Variants in NCAM1 observed in about 807,000 individuals in gnomAD.
The protein encoded by NCAM1 is antigen recognized by monoclonal antibody 5.1H11.
Under a neutral mutation model 109.8 loss-of-function variants are expected in NCAM1, and 14 were observed. That is an observed-to-expected ratio of 0.13 (90% CI 0.08 to 0.20). The LOEUF is 0.20. Ranked by LOEUF, NCAM1 falls within the 10% of genes least tolerant of loss-of-function variation. The pLI is 1.00. For synonymous variants in NCAM1, 418 were observed against 442.9 expected (o/e 0.94, Z 0.70); for missense variants, 774 against 1,109.9 (o/e 0.70, Z 4.30).
intron 19 of NCAM1, among the ~76,000 whole-genome samples, 169 bp from the exon 20 acceptor site, chr11:113,275,098 G>A (rs1946374321): frequency 6.6e-6 from 1 of 152,184 alleles, no homozygotes; most frequent in Non-Finnish European, 1.5e-5. Context: ...ACACAGCTCG[G>A]GCTTGGGTGA....
intron 4 of NCAM1, 65 bp downstream of exon 4, chr11:113,205,731 C>G: frequency 1.3e-6 from 2 of 1,568,990 alleles, no homozygotes; most frequent in Non-Finnish European, 1.7e-6. Context: ...GCTTTTTCAC[C>G]TGTACTGAGG....
rs889805272 is a variant in NCAM1, at chr11:113,274,132, C to T, written c.2457-1135C>T. On this transcript the variant is annotated intron_variant, in intron 19 of 19. Transcript: ENST00000316851. This position sits in a 1 kb window ranked among gnomAD's most constrained non-coding sequence, Gnocchi z 4.1. Reference sequence around the variant, plus strand: ...GTGTTATTCAGTGCCAGGCTGAGTCCCTACCAGAAAGGCACTGATGTGCAG... The same window carrying T: ...GTGTTATTCAGTGCCAGGCTGAGTCTCTACCAGAAAGGCACTGATGTGCAG... Among the ~76,000 whole-genome samples the T allele has an allele frequency of 1.3e-5, 2 of 152,126 alleles. No homozygotes were observed. Among genetic ancestry groups the T allele is most frequent in the Non-Finnish European group, 2.9e-5 (2 of 68,010 alleles).
At chr11:113,040,148 A>T (rs2135416403) in intron 1 of NCAM1, among the ~76,000 whole-genome samples, 1 of 143,422 alleles carries the variant, frequency 7.0e-6, no homozygotes, top group South Asian at 2.4e-4. Flanking sequence ...CTCTAAAAAA[A>T]TAATAATTTT....
chr11:113,057,349 A>G (rs1555082765), intron 1 of NCAM1, among the ~76,000 whole-genome samples: 2 of 151,964 alleles, frequency 1.3e-5, no homozygotes, highest in African/African-American at 4.8e-5. Context: ...GGGATGACAT[A>G]CTGTACATAA....
chr11:113,054,138 AT>A (rs1327260478), intron 1 of NCAM1, among the ~76,000 whole-genome samples: 4 of 152,190 alleles, frequency 2.6e-5, no homozygotes, highest in Non-Finnish European at 4.4e-5. Flanking sequence ...AAATATGCTC[AT>A]AGATGTTGGA....
At chr11:113,134,886 C>T (rs980212421) in intron 1 of NCAM1, among the ~76,000 whole-genome samples, 1 of 152,054 alleles carries the variant, frequency 6.6e-6, no homozygotes, top group African/African-American at 2.4e-5. Context: ...GTAATCCATA[C>T]CAAGAAGAAG....
At chr11:113,271,116 T>A (rs1404884205) in intron 18 of NCAM1, among the ~76,000 whole-genome samples, 1 of 152,076 alleles carries the variant, frequency 6.6e-6, no homozygotes, top group Non-Finnish European at 1.5e-5. Flanking sequence ...ACGCCTGTAA[T>A]CCCAGCACTT....
chr11:113,240,180 G>A lies in NCAM1; in HGVS notation c.1825+5016G>A, dbSNP rs570741526. On this transcript the variant is annotated intron_variant, in intron 14 of 19. Transcript: ENST00000316851. ...CTCCAAATAACCACATTCTGTAGGG[G>A]AGTTTTGGAAGGCAGCAGTGGTTGC... 2.0e-5 allele frequency among the ~76,000 whole-genome samples: 3 copies of A among 152,324 alleles called. No homozygotes were observed. The South Asian group carries it at 6.2e-4, about 32-fold the overall frequency.
chr11:113,270,057 G>A, intron 17 of NCAM1, 131 bp from the exon 18 acceptor site: 1 of 822,342 alleles, frequency 1.2e-6, no homozygotes, highest in South Asian at 1.5e-5. Flanking sequence ...CCCCAGGAAG[G>A]TGTCACTCTG....
At position 113,277,497 on chromosome 11, in the gene NCAM1, G is replaced by C; in HGVS notation, c.*2110G>C. 2.5e-6 allele frequency: 1 copy of C among 398,760 alleles called. No homozygotes were observed. The highest frequency in any genetic ancestry group is 4.4e-6 in the Non-Finnish European group (1 of 226,042). The allele number at this position is 398,760 out of a possible 1,614,324, so 24.7% of individuals were successfully genotyped here. On this transcript the variant is annotated 3_prime_UTR_variant, in exon 20 of 20. Coordinates refer to ENST00000316851, the MANE Select transcript of NCAM1 (RefSeq NM_181351.5). ...TTAGAGCACACAGTAGAATGTGAGA[G>C]CCTGGGTGTCTGAGACCGGGAGGGC...
chr11:113,025,556 G>T (rs1555077046), intron 1 of NCAM1, among the ~76,000 whole-genome samples: 1 of 152,030 alleles, frequency 6.6e-6, no homozygotes, highest in Non-Finnish European at 1.5e-5. Flanking sequence ...GAATTCCTAT[G>T]AAGAAAATAA....
intron 8 of NCAM1, among the ~76,000 whole-genome samples, chr11:113,217,096 G>T (rs1555114486): frequency 1.3e-5 from 2 of 152,204 alleles, no homozygotes; most frequent in African/African-American, 4.8e-5. Flanking sequence ...GTCAGGTAAA[G>T]AATCCTCCTG....
chr11:113,184,646 A>G (rs1943439243), intron 1 of NCAM1, among the ~76,000 whole-genome samples: 1 of 152,124 alleles, frequency 6.6e-6, no homozygotes, highest in African/African-American at 2.4e-5. Context: ...TTCTCACACT[A>G]TATCCTCCTA....
chr11:113,093,062 C>A (rs1939424834), intron 1 of NCAM1, among the ~76,000 whole-genome samples: 1 of 152,166 alleles, frequency 6.6e-6, no homozygotes, highest in Non-Finnish European at 1.5e-5. Flanking sequence ...CCTGGCTTGT[C>A]AGCGAGTGAC....
chr11:113,170,853 A>G (rs1453090653), intron 1 of NCAM1, among the ~76,000 whole-genome samples: 1 of 152,242 alleles, frequency 6.6e-6, no homozygotes, highest in Non-Finnish European at 1.5e-5. Context: ...TACCGCTAAA[A>G]GCTAATTGCA....
intron 1 of NCAM1, among the ~76,000 whole-genome samples, chr11:113,191,483 G>A (rs1187082064): frequency 6.6e-6 from 1 of 152,156 alleles, no homozygotes; most frequent in Non-Finnish European, 1.5e-5. Context: ...TGACTTTATA[G>A]AAATATATAC....
Position 113,240,832 on chromosome 11 carries a change from T to C in NCAM1, c.1826-5536T>C, listed in dbSNP as rs368265862. On this transcript the variant is annotated intron_variant, in intron 14 of 19. Coordinates refer to ENST00000316851, the MANE Select transcript of NCAM1 (RefSeq NM_181351.5). ...CCCCTGTTCCATTGTCTCCACCAGA[T>C]AGTGAGTATCATTTTCTTCATCCAT... 1.1e-5 allele frequency: 17 copies of C among 1,612,902 alleles called. No individual in the cohort carries two copies. The Admixed American group carries it at 2.0e-4, about 19-fold the overall frequency.
intron 1 of NCAM1, among the ~76,000 whole-genome samples, chr11:112,978,624 A>G (rs1222914121): frequency 6.6e-6 from 1 of 151,878 alleles, no homozygotes; most frequent in Non-Finnish European, 1.5e-5. Context: ...CAACAGCCAC[A>G]TTAGCCAGTA....
chr11:113,035,567 A>G (rs1555079043), intron 1 of NCAM1, among the ~76,000 whole-genome samples: 3 of 152,156 alleles, frequency 2.0e-5, no homozygotes, highest in African/African-American at 7.2e-5. Flanking sequence ...CGCCACTGAA[A>G]TATTTTTTAA....
Sources: allele counts gnomAD v4.1 joint callset (sites outside exome capture counted in the v4.1 genomes callset), GRCh38; gene constraint gnomAD v4.1.1; non-coding constraint Gnocchi (gnomAD v3.1); transcripts MANE v1.5; gene names NCBI Gene and HGNC (gene_info 2026-07-23, HGNC 2026-07-21).